SCAND3: variants seen among roughly 807,000 people sequenced by gnomAD.
SCAND3 encodes SCAN domain-containing protein 3.
chr6:28,580,317 G>A, the SCAND3 span, among the ~76,000 whole-genome samples: 3 of 152,052 alleles, frequency 2.0e-5, no homozygotes, highest in African/African-American at 7.2e-5. Flanking sequence ...AGCCAGACGA[G>A]GTGGTGCACG....
chr6:28,592,524 G>A, the SCAND3 span, among the ~76,000 whole-genome samples: 7 of 152,068 alleles, frequency 4.6e-5, no homozygotes, highest in South Asian at 2.1e-4. The surrounding 1 kb of genome is among the most constrained non-coding windows in gnomAD (Gnocchi z 4.1). Flanking sequence ...CAGATTCAAT[G>A]CAATCCTTGT....
chr6:28,595,223 AG>A, the SCAND3 span, among the ~76,000 whole-genome samples: 5 of 137,588 alleles, frequency 3.6e-5, no homozygotes, highest in Non-Finnish European at 6.2e-5. Flanking sequence ...AAAAAAAAAA[AG>A]CAGTCCCAGC....
chr6:28,607,188 A>C, the SCAND3 span, among the ~76,000 whole-genome samples: 1 of 152,096 alleles, frequency 6.6e-6, no homozygotes, highest in South Asian at 2.1e-4. Context: ...GCGCGTGCTT[A>C]GCATGTACGA....
At chr6:28,589,867 T>TG in the SCAND3 span, 66 of 150,822 alleles carry the variant, frequency 4.4e-4, no homozygotes, top group African/African-American at 1.4e-3. Context: ...TTTTTTTTTT[T>TG]TTTTTTCGCT....
the SCAND3 span, among the ~76,000 whole-genome samples, chr6:28,599,868 G>A: frequency 6.6e-6 from 1 of 152,020 alleles, no homozygotes; most frequent in Non-Finnish European, 1.5e-5. Flanking sequence ...GAGAGCAAAG[G>A]CAGTTCAGTG....
chr6:28,575,030 T>C, the SCAND3 span: 1 of 1,614,010 alleles, frequency 6.2e-7, no homozygotes, highest in African/African-American at 1.3e-5. The surrounding 1 kb of genome is among the most constrained non-coding windows in gnomAD (Gnocchi z 4.2). Flanking sequence ...CTTAAAGTAT[T>C]TTCTAACTCT....
At chr6:28,614,153 G>C in the SCAND3 span, among the ~76,000 whole-genome samples, 1 of 151,970 alleles carries the variant, frequency 6.6e-6, no homozygotes, top group Admixed American at 6.6e-5. Flanking sequence ...AGTAGAGACA[G>C]AGTTTCACCA....
chr6:28,572,680 CT>C, the SCAND3 span: 4 of 1,614,076 alleles, frequency 2.5e-6, no homozygotes, highest in Non-Finnish European at 3.4e-6. The surrounding 1 kb of genome is among the most constrained non-coding windows in gnomAD (Gnocchi z 4.1). Context: ...TTCAAACATT[CT>C]TGACAGAACT....
the SCAND3 span, among the ~76,000 whole-genome samples, chr6:28,611,816 T>C: frequency 6.6e-6 from 1 of 152,160 alleles, no homozygotes; most frequent in Non-Finnish European, 1.5e-5. Flanking sequence ...CAAATAGGAG[T>C]TGTTTTCCAC....
chr6:28,607,795 A>C, the SCAND3 span, among the ~76,000 whole-genome samples: 2 of 152,334 alleles, frequency 1.3e-5, no homozygotes, highest in Admixed American at 6.5e-5. Context: ...TGGCTGGTTA[A>C]ATGAAACCAG....
At chr6:28,589,850 TTGTTTG>T in the SCAND3 span, 1 of 134,068 alleles carries the variant, frequency 7.5e-6, no homozygotes, top group African/African-American at 3.0e-5. Flanking sequence ...GTTTGTTTTT[TTGTTTG>T]TTTTTTTTTT....
chr6:28,613,081 A>G, the SCAND3 span, among the ~76,000 whole-genome samples: 1 of 152,242 alleles, frequency 6.6e-6, no homozygotes. Context: ...TAGAGACTGT[A>G]TATTATAAAA....
chr6:28,605,100 C>T, the SCAND3 span, among the ~76,000 whole-genome samples: 2 of 152,034 alleles, frequency 1.3e-5, no homozygotes, highest in African/African-American at 2.4e-5. Context: ...AGTTGTTTTT[C>T]GATTGGTATC....
the SCAND3 span, among the ~76,000 whole-genome samples, chr6:28,596,649 A>G: frequency 6.6e-6 from 1 of 152,178 alleles, no homozygotes; most frequent in African/African-American, 2.4e-5. Context: ...AAGGCCCACG[A>G]TGGAAATCAC....
At chr6:28,574,384 C>T in the SCAND3 span, among the ~76,000 whole-genome samples, 1 of 152,028 alleles carries the variant, frequency 6.6e-6, no homozygotes, top group South Asian at 2.1e-4. Context: ...ATTTCATGCT[C>T]TCCATTTAAA....
At chr6:28,571,371 A>G in the SCAND3 span, 5 of 152,670 alleles carry the variant, frequency 3.3e-5, no homozygotes, top group African/African-American at 1.2e-4. Flanking sequence ...ACACCATTAC[A>G]AAATAAGTGT....
At chr6:28,602,291 C>T in the SCAND3 span, among the ~76,000 whole-genome samples, 2 of 152,102 alleles carry the variant, frequency 1.3e-5, no homozygotes, top group Non-Finnish European at 2.9e-5. Flanking sequence ...CTCACTGAAA[C>T]CTTGGCCTCC....
chr6:28,589,575 C>CCAAGCATGAAAGTA, the SCAND3 span: 1 of 152,148 alleles, frequency 6.6e-6, no homozygotes, highest in African/African-American at 2.4e-5. Context: ...ATTGAACTCT[C>CCAAGCATGAAAGTA]CCCTTCTATC....
chr6:28,581,679 A>G, the SCAND3 span, among the ~76,000 whole-genome samples: 1 of 152,220 alleles, frequency 6.6e-6, no homozygotes, highest in Non-Finnish European at 1.5e-5. Flanking sequence ...GAAGTGAGAA[A>G]AGGTGAAACT....
Sources: allele counts gnomAD v4.1 joint callset (sites outside exome capture counted in the v4.1 genomes callset), GRCh38; gene constraint gnomAD v4.1.1; non-coding constraint Gnocchi (gnomAD v3.1); transcripts MANE v1.5; gene names NCBI Gene and HGNC (gene_info 2026-07-23, HGNC 2026-07-21).